The following ADAMTS12 variants were observed in gnomAD, a reference collection of about 807,000 sequenced individuals.
ADAMTS12 encodes A disintegrin and metalloproteinase with thrombospondin motifs 12.
Under a neutral mutation model 167.8 loss-of-function variants are expected in ADAMTS12, and 118 were observed. That is an observed-to-expected ratio of 0.70 (90% CI 0.61 to 0.82). The LOEUF (loss-of-function observed/expected upper bound fraction) is 0.82, where lower values mean the gene tolerates loss of function less well. ADAMTS12 is among the 40% of genes least tolerant of loss of function. The pLI, the probability that ADAMTS12 is intolerant of heterozygous loss-of-function variation, is 0.00. For synonymous variants in ADAMTS12, 704 were observed against 716.9 expected, an observed-to-expected ratio of 0.98 and a Z score of 0.29; for missense variants, 1,916 against 1,998.8, an observed-to-expected ratio of 0.96 and a Z score of 0.79.
intron 13 of ADAMTS12, among the ~76,000 whole-genome samples, chr5:33,628,747 A>G (rs1310397220): frequency 1.3e-5 from 2 of 152,152 alleles, no homozygotes; most frequent in Non-Finnish European, 2.9e-5. Context: ...ATTACCTACA[A>G]CCTGGATCCT....
intron 1 of ADAMTS12, chr5:33,888,298 G>A (rs1023400389): frequency 2.0e-5 from 3 of 152,110 alleles, no homozygotes; most frequent in African/African-American, 7.2e-5. Context: ...TAAGATAACT[G>A]TAACCTTGCA....
At chr5:33,823,418 C>CT (rs1203196882) in intron 2 of ADAMTS12, among the ~76,000 whole-genome samples, 2 of 152,166 alleles carry the variant, frequency 1.3e-5, no homozygotes, top group South Asian at 2.1e-4. Flanking sequence ...GTTATCCTCT[C>CT]TTTTTTATGT....
chr5:33,836,274 T>C (rs1329089550), intron 2 of ADAMTS12, among the ~76,000 whole-genome samples: 1 of 152,108 alleles, frequency 6.6e-6, no homozygotes, highest in Non-Finnish European at 1.5e-5. Context: ...CGGGCCAATT[T>C]GGAATGACTT....
chr5:33,861,665 G>A (rs1749620114), intron 2 of ADAMTS12, among the ~76,000 whole-genome samples: 1 of 152,106 alleles, frequency 6.6e-6, no homozygotes, highest in African/African-American at 2.4e-5. Context: ...ACTCAGCTCT[G>A]GACCAAGCAG....
At chr5:33,733,827 T>C (rs1744276480) in intron 3 of ADAMTS12, among the ~76,000 whole-genome samples, 1 of 152,148 alleles carries the variant, frequency 6.6e-6, no homozygotes, top group Non-Finnish European at 1.5e-5. Flanking sequence ...GTACTTAACA[T>C]GCATGCATCA....
chr5:33,595,364 T>G lies in ADAMTS12; in HGVS notation c.2654+570A>C, dbSNP rs1579721444. On this transcript the variant is annotated intron_variant, in intron 17 of 23. Transcript: ENST00000504830. ...GCAGACATTTTTAGTTGTCATAGCCTGGACTGGGAGGGAGGGAGTTCTACT... is the reference window on the plus strand; with the variant it reads ...GCAGACATTTTTAGTTGTCATAGCCGGGACTGGGAGGGAGGGAGTTCTACT... Among the ~76,000 whole-genome samples the G allele has an allele frequency of 3.9e-5, 6 of 152,318 alleles. No homozygotes were observed. In the South Asian group the frequency reaches 1.2e-3, roughly 32 times the overall value.
intron 22 of ADAMTS12, among the ~76,000 whole-genome samples, chr5:33,541,081 C>A (rs1561111504): frequency 6.6e-6 from 1 of 152,152 alleles, no homozygotes; most frequent in Non-Finnish European, 1.5e-5. Flanking sequence ...AGCTAAAAAT[C>A]TTGGACAAAA....
chr5:33,755,002 G>A (rs749736247), intron 2 of ADAMTS12, among the ~76,000 whole-genome samples: 1 of 152,104 alleles, frequency 6.6e-6, no homozygotes, highest in Non-Finnish European at 1.5e-5. Flanking sequence ...CCTCATAAAT[G>A]TTTTATAAAA....
intron 22 of ADAMTS12, among the ~76,000 whole-genome samples, chr5:33,539,986 G>A (rs112234113): frequency 2.4e-4 from 36 of 152,318 alleles, no homozygotes; most frequent in African/African-American, 8.2e-4. Context: ...TGGAGGGCGA[G>A]CGGAAGCAGG....
intron 3 of ADAMTS12, among the ~76,000 whole-genome samples, chr5:33,690,254 T>C (rs1297835708): frequency 6.6e-6 from 1 of 152,192 alleles, no homozygotes; most frequent in East Asian, 1.9e-4. Context: ...CCACAAAAAG[T>C]TTACCACACT....
chr5:33,767,461 A>C lies in ADAMTS12; in HGVS notation c.490-15913T>G, dbSNP rs574864295. 3.3e-5 allele frequency among the ~76,000 whole-genome samples: 5 copies of C among 152,170 alleles called. No homozygotes were observed. In the South Asian group the frequency reaches 1.0e-3, roughly 32 times the overall value. On this transcript the variant is annotated intron_variant, in intron 2 of 23. Transcript: ENST00000504830. Reference sequence around the variant, plus strand: ...GCCTTTCTGTATTTATCCAATCTCTATATTAGCTGTGTTATTTTTTGTAGC... The same window carrying C: ...GCCTTTCTGTATTTATCCAATCTCTCTATTAGCTGTGTTATTTTTTGTAGC...
intron 3 of ADAMTS12, among the ~76,000 whole-genome samples, chr5:33,693,979 G>A (rs942123610): frequency 3.9e-5 from 6 of 152,068 alleles, no homozygotes; most frequent in Admixed American, 1.3e-4. Context: ...CAAAATCAAT[G>A]TACAAAGTTC....
chr5:33,549,247 G>T lies in ADAMTS12; in HGVS notation c.4262C>A (p.Pro1421Gln), dbSNP rs758679740. 7 of 1,614,060 alleles carry T rather than the reference G, an allele frequency of 4.3e-6. No homozygotes were observed. In the African/African-American group the frequency reaches 9.3e-5, roughly 22 times the overall value. ...CACCTGCCACGCCTCACAGGGCTCCGGGTTACAGCTCATGCTCAATGGGGG... is the reference window on the plus strand; with the variant it reads ...CACCTGCCACGCCTCACAGGGCTCCTGGTTACAGCTCATGCTCAATGGGGG... ...IPPPLSMSCN[P>Q]EPCEAWQVEP... Residue 1421 changes from proline to glutamine, a missense_variant, in exon 21 of 24, where the codon CCG (proline) becomes CAG (glutamine). Transcript: ENST00000504830.
At chr5:33,656,030 G>T (rs1407489793) in intron 7 of ADAMTS12, among the ~76,000 whole-genome samples, 2 of 152,052 alleles carry the variant, frequency 1.3e-5, no homozygotes, top group African/African-American at 2.4e-5. Flanking sequence ...TTGATATTTA[G>T]TTAGAGGTTT....
intron 19 of ADAMTS12, among the ~76,000 whole-genome samples, chr5:33,573,875 A>G (rs1000290401): frequency 8.5e-5 from 13 of 152,232 alleles, no homozygotes; most frequent in Non-Finnish European, 1.6e-4. Context: ...TCCAGAATCT[A>G]CAATGAACTC....
chr5:33,864,488 G>A (rs970075011), intron 2 of ADAMTS12, among the ~76,000 whole-genome samples: 1 of 152,146 alleles, frequency 6.6e-6, no homozygotes, highest in Non-Finnish European at 1.5e-5. Flanking sequence ...TGATTACTGG[G>A]TATATACCCA....
intron 23 of ADAMTS12, among the ~76,000 whole-genome samples, chr5:33,531,719 C>T (rs773376139): frequency 6.6e-6 from 1 of 152,154 alleles, no homozygotes; most frequent in African/African-American, 2.4e-5. Context: ...TAGGTCAACA[C>T]CTAAATGACT....
intron 19 of ADAMTS12, among the ~76,000 whole-genome samples, chr5:33,569,133 T>G (rs910148654): frequency 6.6e-6 from 1 of 152,252 alleles, no homozygotes; most frequent in Admixed American, 6.5e-5. Flanking sequence ...CAAGGAGGCC[T>G]GCCTGCCTCT....
At chr5:33,805,817 G>A (rs1289263943) in intron 2 of ADAMTS12, among the ~76,000 whole-genome samples, 1 of 151,862 alleles carries the variant, frequency 6.6e-6, no homozygotes, top group Non-Finnish European at 1.5e-5. Flanking sequence ...GAGCCCAGGA[G>A]TTCGAGGTTA....
Sources: gnomAD v4.1 joint callset for allele counts (sites outside exome capture counted in the v4.1 genomes callset) on GRCh38, gnomAD v4.1.1 for gene constraint, MANE v1.5 for transcripts, NCBI Gene and HGNC (gene_info 2026-07-23, HGNC 2026-07-21) for gene names.